The following CD48 variants were observed in gnomAD, a reference collection of about 807,000 sequenced individuals.
The protein encoded by CD48 is CD48 molecule, also known as CD48 antigen.
In CD48, 20 loss-of-function variants were observed where a neutral mutation model predicts 22.0. The ratio of observed to expected loss-of-function variants is 0.91; its 90% CI spans 0.64 to 1.32. The LOEUF (loss-of-function observed/expected upper bound fraction) is 1.32. CD48 is among the 40% of genes most tolerant of loss of function. CD48 has a pLI of 0.00. For missense variants in CD48, 307 were observed against 286.5 expected (o/e 1.07, Z -0.52); for synonymous variants, 110 against 110.1 (o/e 1.00, Z 0.01).
chr1:160,709,081 C>G (rs1662874885), intron 1 of CD48, among the ~76,000 whole-genome samples: 1 of 152,202 alleles, frequency 6.6e-6, no homozygotes, highest in Non-Finnish European at 1.5e-5. Context: ...GATGAACAGT[C>G]TTCCCCCAAA....
intron 1 of CD48, among the ~76,000 whole-genome samples, chr1:160,706,251 T>C (rs1662791686): frequency 6.6e-6 from 1 of 152,092 alleles, no homozygotes; most frequent in African/African-American, 2.4e-5. Context: ...ATTTTTTGTA[T>C]TTAGTAGATA....
Position 160,684,761 on chromosome 1 carries a change from A to G in CD48, c.385+126T>C, listed in dbSNP as rs777719161. The G allele has an allele frequency of 7.5e-6, 12 of 1,606,518 alleles. 1 individual carries two copies. In the South Asian group the frequency reaches 1.3e-4, roughly 18 times the overall value. ...ATAGAATTGGATCAAGGAAAAATGA[A>G]TCAAACCTGTCCTGAGGTTTTTCTC... On this transcript the variant is annotated intron_variant, in intron 2 of 3. Transcript: ENST00000368046.
At chr1:160,679,177 AC>A (rs772283655) in intron 3 of CD48, 46 bp from the exon 4 acceptor site, 58 of 1,491,672 alleles carry the variant, frequency 3.9e-5, no homozygotes, top group Non-Finnish European at 5.1e-5. Flanking sequence ...CTTTATCTTG[AC>A]TAATGTATTG....
rs189194284 is a variant in CD48, at chr1:160,710,942, G to A, written c.82+740C>T. On this transcript the variant is annotated intron_variant, in intron 1 of 3. Transcript: ENST00000368046. ...ATTTACTTGGGGGAATAGCAAGAAA[G>A]TCAAAGGTTTCACTGCTGTTTCTCA... Among the ~76,000 whole-genome samples the A allele has an allele frequency of 1.5e-4, 23 of 152,314 alleles. No individual in the cohort carries two copies. The East Asian group carries it at 3.9e-3, about 25-fold the overall frequency.
chr1:160,709,889 T>A (rs1168094412), intron 1 of CD48, among the ~76,000 whole-genome samples: 3 of 152,188 alleles, frequency 2.0e-5, no homozygotes, highest in Non-Finnish European at 4.4e-5. Context: ...AGGAAACAGA[T>A]GATCCACCAA....
intron 1 of CD48, among the ~76,000 whole-genome samples, chr1:160,688,049 T>C (rs888654677): frequency 1.3e-5 from 2 of 152,260 alleles, no homozygotes; most frequent in African/African-American, 4.8e-5. Flanking sequence ...ATGTGATGTT[T>C]GAGACTCACT....
In CD48 at chr1:160,707,666, A is replaced by C. The variant is rs147659581; in HGVS notation, c.82+4016T>G. Among the ~76,000 whole-genome samples, 151 of 152,280 alleles carry C rather than the reference A, an allele frequency of 9.9e-4. 1 individual carries two copies. Among genetic ancestry groups the C allele is most frequent in the African/African-American group, 3.5e-3 (144 of 41,554 alleles). ...TGCTGAGAGGGCAGAGGACTGAGGT[A>C]AGGGGCCTTGAGGATAGGGTGAAAG... On this transcript the variant is annotated intron_variant, in intron 1 of 3. Transcript: ENST00000368046.
intron 2 of CD48, among the ~76,000 whole-genome samples, chr1:160,682,915 A>G (rs1661860334): frequency 6.6e-6 from 1 of 152,220 alleles, no homozygotes; most frequent in African/African-American, 2.4e-5. Flanking sequence ...GAATCAATGC[A>G]ACTCAAATCC....
rs192483599 is a variant in CD48 at position 160,682,939 on chromosome 1, A to G, written c.386-1471T>C. Among the ~76,000 whole-genome samples the G allele has an allele frequency of 3.6e-3, 552 of 152,298 alleles. 5 individuals are homozygous for G. The highest frequency in any genetic ancestry group is 0.013 in the African/African-American group (527 of 41,552). On this transcript the variant is annotated intron_variant, in intron 2 of 3. Coordinates refer to ENST00000368046, the MANE Select transcript of CD48 (RefSeq NM_001778.4). The stretch of plus-strand genomic sequence containing the variant: ...CAACTCAAATCCCATAAGATTAAAA[A>G]TTGGCAGAGAATTGACCAGATCAGA...
chr1:160,692,030 C>T lies in CD48; in HGVS notation c.83-6841G>A, dbSNP rs1174820157. The T allele has an allele frequency of 3.9e-5, 7 of 180,246 alleles. No individual in the cohort carries two copies. The East Asian group carries it at 9.0e-4, about 23-fold the overall frequency. The allele number at this position is 180,246 out of a possible 1,614,324, so 11.2% of individuals were successfully genotyped here. On this transcript the variant is annotated intron_variant, in intron 1 of 3. Transcript: ENST00000368046. ...TTTCAAACAACAGAACAATTTTGCC[C>T]ATGGTTTCCAGAACAAGGAAATTTA...
chr1:160,707,422 T>C (rs1040158041), intron 1 of CD48, among the ~76,000 whole-genome samples: 16 of 152,116 alleles, frequency 1.1e-4, no homozygotes, highest in Admixed American at 7.9e-4. Context: ...AGGGAGGTGA[T>C]TGACGAGCCT....
chr1:160,685,738 C>T (rs955467749), intron 1 of CD48, among the ~76,000 whole-genome samples: 3 of 152,174 alleles, frequency 2.0e-5, no homozygotes, highest in African/African-American at 7.2e-5. Flanking sequence ...GCTTCCCCTT[C>T]ACCTTCTGAA....
chr1:160,681,781 T>A (rs1293457671), intron 2 of CD48, among the ~76,000 whole-genome samples: 2 of 152,150 alleles, frequency 1.3e-5, no homozygotes, highest in African/African-American at 4.8e-5. Context: ...CCCAGAGACT[T>A]GCTGGGGTCA....
chr1:160,690,298 T>A (rs1330641944), intron 1 of CD48, among the ~76,000 whole-genome samples: 1 of 152,176 alleles, frequency 6.6e-6, no homozygotes, highest in Non-Finnish European at 1.5e-5. Context: ...GTAGCCCAGA[T>A]AAAACCTGAG....
rs1198545541 is a variant in CD48, at chr1:160,711,807, G to A, written c.-44C>T. 2.1e-6 allele frequency: 3 copies of A among 1,460,892 alleles called. No homozygotes were observed. The highest frequency in any genetic ancestry group is 2.3e-5 in the East Asian group (1 of 43,916). The allele number at this position is 1,460,892 out of a possible 1,614,324, so 90.5% of individuals were successfully genotyped here. On this transcript the variant is annotated 5_prime_UTR_variant, in exon 1 of 4. Coordinates refer to ENST00000368046, the MANE Select transcript of CD48 (RefSeq NM_001778.4). ...CCAGCAACGCAGGAGACAGTTGAGA[G>A]CCTGGCTAGAAAAAGGCCGGGGCTA...
intron 1 of CD48, among the ~76,000 whole-genome samples, chr1:160,697,112 C>G (rs1032916821): frequency 2.6e-5 from 4 of 152,070 alleles, no homozygotes; most frequent in Non-Finnish European, 5.9e-5. Flanking sequence ...TGCAGAACAT[C>G]TTACTGGTAA....
chr1:160,698,618 A>G (rs889348085), intron 1 of CD48, among the ~76,000 whole-genome samples: 2 of 152,132 alleles, frequency 1.3e-5, no homozygotes, highest in African/African-American at 4.8e-5. Flanking sequence ...CAGGCTCATG[A>G]CCTTAGAACA....
chr1:160,709,167 C>A (rs781605178), intron 1 of CD48, among the ~76,000 whole-genome samples: 8 of 144,826 alleles, frequency 5.5e-5, no homozygotes, highest in Non-Finnish European at 9.0e-5. Flanking sequence ...CAATACATAG[C>A]GGAAACAGAG....
At chr1:160,690,761 T>C (rs1347145392) in intron 1 of CD48, among the ~76,000 whole-genome samples, 2 of 152,182 alleles carry the variant, frequency 1.3e-5, no homozygotes, top group Non-Finnish European at 2.9e-5. Context: ...TAGTGGCATG[T>C]ACAACATAAG....
Sources: allele counts gnomAD v4.1 joint callset (sites outside exome capture counted in the v4.1 genomes callset), GRCh38; gene constraint gnomAD v4.1.1; transcripts MANE v1.5; gene names NCBI Gene and HGNC (gene_info 2026-07-23, HGNC 2026-07-21).